The following CEP126 variants were observed in gnomAD, a reference collection of about 807,000 sequenced individuals.
The protein encoded by CEP126 is centrosomal protein 126, also known as centrosomal protein of 126 kDa.
CEP126 carries 74 observed loss-of-function variants against 107.8 expected under a neutral mutation model. The observed-to-expected ratio is 0.69, with a 90% CI of 0.57 to 0.83. The LOEUF is 0.83. Among genes scored for constraint, CEP126 ranks in the 40% least tolerant of loss-of-function variants. The pLI, the probability that CEP126 is intolerant of heterozygous loss-of-function variation, is 0.00. For missense variants in CEP126, 1,237 were observed against 1,281.9 expected, an observed-to-expected ratio of 0.96 and a Z score of 0.53; for synonymous variants, 449 against 446.0, an observed-to-expected ratio of 1.01 and a Z score of -0.08.
At chr11:101,948,784 A>T (rs369016254) in intron 4 of CEP126, among the ~76,000 whole-genome samples, 1 of 152,218 alleles carries the variant, frequency 6.6e-6, no homozygotes, top group East Asian at 1.9e-4. Context: ...CTAGTGTATA[A>T]TCTGAAAGAT....
At chr11:101,955,040 T>C (rs1425146950) in intron 4 of CEP126, among the ~76,000 whole-genome samples, 2 of 151,830 alleles carry the variant, frequency 1.3e-5, no homozygotes, top group Non-Finnish European at 2.9e-5. Flanking sequence ...ATGTGGAAAA[T>C]GTTAGTGGTA....
intron 2 of CEP126, among the ~76,000 whole-genome samples, chr11:101,936,688 C>T (rs568437780): frequency 8.5e-5 from 13 of 152,254 alleles, no homozygotes; most frequent in African/African-American, 3.1e-4. Flanking sequence ...ATGCTGCTAG[C>T]TAGGGAATTT....
rs2137108451 is a variant in CEP126, at chr11:101,958,229, C to T, written c.568C>T (p.Leu190Phe). The T allele has an allele frequency of 6.2e-7, 1 of 1,613,984 alleles. No individual in the cohort carries two copies. The highest frequency in any genetic ancestry group is 8.5e-7 in the Non-Finnish European group (1 of 1,179,934). ...AAATGATCACAAGCATCAGAAACAA[C>T]TCTTATCCAAAATCAATTGTGAGAA... ...SKNDHKHQKQLLSKINCEKEM... is the reference protein window; with the variant it reads ...SKNDHKHQKQFLSKINCEKEM... The change falls in exon 5 of 11, where the codon CTC becomes TTC. Residue 190 changes from leucine (L) to phenylalanine (F), a missense_variant. Transcript: ENST00000263468.
intron 2 of CEP126, among the ~76,000 whole-genome samples, chr11:101,938,329 T>A (rs1421764784): frequency 6.6e-6 from 1 of 151,718 alleles, no homozygotes; most frequent in Non-Finnish European, 1.5e-5. Flanking sequence ...TCCCTTTTTT[T>A]CTTCATTGTT....
intron 8 of CEP126, among the ~76,000 whole-genome samples, chr11:101,982,624 G>A (rs1941270139): frequency 1.3e-5 from 2 of 151,984 alleles, no homozygotes; most frequent in Admixed American, 1.3e-4. Flanking sequence ...TCTTATATTA[G>A]TTGAAGATGT....
At chr11:101,943,001 C>T (rs767343357) in intron 2 of CEP126, among the ~76,000 whole-genome samples, 3 of 151,694 alleles carry the variant, frequency 2.0e-5, no homozygotes, top group African/African-American at 4.8e-5. Context: ...GCTGGTTTTA[C>T]GTGGAATCTT....
chr11:101,957,031 G>GTTTATCT (rs1940908725), intron 4 of CEP126: 1 of 292,040 alleles, frequency 3.4e-6, no homozygotes, highest in Non-Finnish European at 6.6e-6. Flanking sequence ...TTATCTAAGA[G>GTTTATCT]TAGGAAAGTG....
chr11:101,964,257 C>T (rs1015792377), intron 6 of CEP126, among the ~76,000 whole-genome samples: 4 of 150,350 alleles, frequency 2.7e-5, no homozygotes, highest in African/African-American at 7.4e-5. Flanking sequence ...GAGCCGAGAT[C>T]ATGTCACTGC....
intron 2 of CEP126, among the ~76,000 whole-genome samples, chr11:101,933,822 C>G (rs1050849522): frequency 2.7e-5 from 4 of 149,494 alleles, no homozygotes; most frequent in East Asian, 3.9e-4. Flanking sequence ...AGACCCCCCC[C>G]CCACCAAAAC....
intron 10 of CEP126, among the ~76,000 whole-genome samples, chr11:101,993,398 T>C (rs1941407946): frequency 6.6e-6 from 1 of 152,220 alleles, no homozygotes; most frequent in Non-Finnish European, 1.5e-5. Flanking sequence ...TCTTGGTCTT[T>C]TTTATGGCTG....
chr11:101,946,670 G>A (rs1349853850), intron 3 of CEP126, among the ~76,000 whole-genome samples: 4 of 151,954 alleles, frequency 2.6e-5, no homozygotes, highest in African/African-American at 9.7e-5. Flanking sequence ...GACCAGCCTG[G>A]CCAACATGGT....
intron 9 of CEP126, 144 bp downstream of exon 9, chr11:101,987,185 A>G: frequency 1.7e-6 from 1 of 602,092 alleles, no homozygotes; most frequent in South Asian, 2.1e-5. Flanking sequence ...CATTCAGACT[A>G]TATTTGAATA....
chr11:101,950,497 C>G (rs1940796807), intron 4 of CEP126, among the ~76,000 whole-genome samples: 1 of 152,138 alleles, frequency 6.6e-6, no homozygotes, highest in Non-Finnish European at 1.5e-5. Flanking sequence ...CTCTGCCTAG[C>G]AAGGGTTTGC....
In CEP126 at chr11:101,949,556, C is replaced by T. The variant is rs142281973; in HGVS notation, c.506+1414C>T. Among the ~76,000 whole-genome samples, 1,425 of 152,186 alleles carry T rather than the reference C, an allele frequency of 9.4e-3. 13 individuals carry two copies. Among genetic ancestry groups the T allele is most frequent in the Non-Finnish European group, 0.015 (1,031 of 68,006 alleles). ...TAAGGAAGTGGAAAAAGAAGAGAAG[C>T]TTGCAAACACAATGGCTAGAATGGC... is the stretch of plus-strand genomic sequence containing the variant. On this transcript the variant is annotated intron_variant, in intron 4 of 10. Coordinates refer to ENST00000263468, the MANE Select transcript of CEP126 (RefSeq NM_020802.4).
Position 101,944,844 on chromosome 11 carries a change from T to C in CEP126, c.394+434T>C, listed in dbSNP as rs373085923. ...AATATAATCCAACAAGATAAAAACT[T>C]GGAACCAGTTAAGAATTTAAATATG... On this transcript the variant is annotated intron_variant, in intron 3 of 10. Coordinates refer to ENST00000263468, the MANE Select transcript of CEP126 (RefSeq NM_020802.4). 5.9e-5 allele frequency among the ~76,000 whole-genome samples: 9 copies of C among 152,288 alleles called. No homozygotes were observed. The East Asian group carries it at 1.7e-3, about 29-fold the overall frequency.
At position 101,917,551 on chromosome 11, in the gene CEP126, C is replaced by A. The variant is rs1269146846; in HGVS notation, c.128+2139C>A. Among the ~76,000 whole-genome samples the A allele has an allele frequency of 4.7e-5, 7 of 150,414 alleles. No homozygotes were observed. In the East Asian group the frequency reaches 9.8e-4, roughly 21 times the overall value. Reference sequence around the variant, plus strand: ...TATTTAATTAAAATTAGCTAAAGTTCTGTCATTTCAATCTCTTTTTCTCTT... The same window carrying A: ...TATTTAATTAAAATTAGCTAAAGTTATGTCATTTCAATCTCTTTTTCTCTT... On this transcript the variant is annotated intron_variant, in intron 1 of 10. Transcript: ENST00000263468.
chr11:101,977,523 C>T (rs558339988), intron 6 of CEP126, among the ~76,000 whole-genome samples: 99 of 149,160 alleles, frequency 6.6e-4, no homozygotes, highest in African/African-American at 2.3e-3. Context: ...CCTAGCTACT[C>T]AGGAGGCTGA....
intron 5 of CEP126, among the ~76,000 whole-genome samples, chr11:101,959,278 C>G (rs541636962): frequency 1.3e-5 from 2 of 152,002 alleles, no homozygotes; most frequent in African/African-American, 4.8e-5. Flanking sequence ...TGCCTCACCT[C>G]CCGAGTAGCT....
intron 2 of CEP126, among the ~76,000 whole-genome samples, chr11:101,933,493 A>G (rs999061923): frequency 6.6e-6 from 1 of 152,154 alleles, no homozygotes; most frequent in Non-Finnish European, 1.5e-5. Flanking sequence ...CCTTTTTAAG[A>G]TTCAGGATTT....
Sources: gnomAD v4.1 joint callset for allele counts (sites outside exome capture counted in the v4.1 genomes callset) on GRCh38, gnomAD v4.1.1 for gene constraint, MANE v1.5 for transcripts, NCBI Gene and HGNC (gene_info 2026-07-23, HGNC 2026-07-21) for gene names.